Variants in EIF4G3 observed in about 807,000 individuals in gnomAD.
EIF4G3 encodes eukaryotic translation initiation factor 4 gamma 3.
In EIF4G3, 34 loss-of-function variants were observed where a neutral mutation model predicts 186.4. The observed-to-expected ratio is 0.18, with a 90% CI of 0.14 to 0.24. The LOEUF (loss-of-function observed/expected upper bound fraction) is 0.24. Among genes scored for constraint, EIF4G3 ranks in the 10% least tolerant of loss-of-function variants. EIF4G3 has a pLI of 1.00. For missense variants in EIF4G3, 1,536 were observed against 1,948.5 expected (o/e 0.79, Z 3.99); for synonymous variants, 673 against 679.5 (o/e 0.99, Z 0.15).
At position 21,101,869 on chromosome 1, in the gene EIF4G3, C is replaced by A. The variant is rs575638663; in HGVS notation, c.-271-12656G>T. Among the ~76,000 whole-genome samples, 13 of 152,146 alleles carry A rather than the reference C, an allele frequency of 8.5e-5. No individual in the cohort carries two copies. In the East Asian group the frequency reaches 2.3e-3, roughly 27 times the overall value. On this transcript the variant is annotated intron_variant, in intron 2 of 36. Coordinates refer to ENST00000602326, the MANE Select transcript of EIF4G3 (RefSeq NM_001391906.1). Reference sequence around the variant, plus strand: ...GGAACTACAATAAAGTACACCCAGACCTTCAGAGTATAACTGGTAACAAAA... The same window carrying A: ...GGAACTACAATAAAGTACACCCAGAACTTCAGAGTATAACTGGTAACAAAA...
chr1:20,986,161 A>T (rs950581791), intron 7 of EIF4G3, among the ~76,000 whole-genome samples: 4 of 152,170 alleles, frequency 2.6e-5, no homozygotes, highest in African/African-American at 9.7e-5. Flanking sequence ...TCCAACACAA[A>T]GGTATCGAGG....
At chr1:20,859,494 GA>G (rs150909556) in intron 24 of EIF4G3, among the ~76,000 whole-genome samples, 5 of 152,146 alleles carry the variant, frequency 3.3e-5, no homozygotes, top group African/African-American at 1.2e-4. Flanking sequence ...ATTTCCCTCT[GA>G]AAAAGGTTTT....
chr1:20,825,194 T>C lies in EIF4G3; in HGVS notation c.4274A>G (p.His1425Arg), dbSNP rs766936712. ...CCTCCATAAGGCTCCCACTTTCTTA[T>C]GGCTCTAAAATAGAGATAAATCCAA... is the stretch of plus-strand genomic sequence containing the variant. ...ILHLLCKQMS[H>R]KKVGALWREA... Residue 1425 changes from histidine (H) to arginine (R), a missense_variant, in exon 33 of 37, where the codon CAT becomes CGT. His to Arg is a conservative substitution (Grantham distance 29). Coordinates refer to ENST00000602326, the MANE Select transcript of EIF4G3 (RefSeq NM_001391906.1). The C allele has an allele frequency of 2.5e-6, 4 of 1,598,480 alleles. No homozygotes were observed. The South Asian group carries it at 3.3e-5, about 13-fold the overall frequency.
chr1:21,003,882 T>C (rs1043259290), intron 4 of EIF4G3: 2 of 253,962 alleles, frequency 7.9e-6, no homozygotes, highest in Middle Eastern at 1.4e-3. Flanking sequence ...TACCTCTCTA[T>C]TCAGTATTGC....
chr1:21,142,725 T>C (rs1417463257), intron 2 of EIF4G3, among the ~76,000 whole-genome samples: 1 of 152,176 alleles, frequency 6.6e-6, no homozygotes, highest in Non-Finnish European at 1.5e-5. Flanking sequence ...TTTGATCTGC[T>C]TCTATAATTT....
intron 3 of EIF4G3, among the ~76,000 whole-genome samples, chr1:21,057,106 T>A (rs1025292158): frequency 1.3e-5 from 2 of 152,224 alleles, no homozygotes; most frequent in Non-Finnish European, 2.9e-5. Context: ...AATTTGGCAG[T>A]AGCTGGTAAG....
intron 25 of EIF4G3, among the ~76,000 whole-genome samples, chr1:20,856,633 T>C (rs1057295608): frequency 6.6e-6 from 1 of 152,202 alleles, no homozygotes; most frequent in African/African-American, 2.4e-5. Context: ...AAATCCTTAT[T>C]ACAGAATGAT....
intron 4 of EIF4G3, among the ~76,000 whole-genome samples, chr1:21,024,454 G>A (rs1005333980): frequency 6.6e-6 from 1 of 151,952 alleles, no homozygotes; most frequent in African/African-American, 2.4e-5. Flanking sequence ...AGAAAGGGGG[G>A]AAAGGTGGGG....
At chr1:20,880,549 G>A (rs1364701936) in intron 19 of EIF4G3, among the ~76,000 whole-genome samples, 1 of 152,116 alleles carries the variant, frequency 6.6e-6, no homozygotes, top group African/African-American at 2.4e-5. Flanking sequence ...CCAGAGGTTC[G>A]AGACCAGCCT....
intron 30 of EIF4G3, among the ~76,000 whole-genome samples, chr1:20,839,316 T>G (rs2154549034): frequency 6.6e-6 from 1 of 152,152 alleles, no homozygotes; most frequent in South Asian, 2.1e-4. Flanking sequence ...TTTCACCACG[T>G]TGTTCAGGCT....
intron 14 of EIF4G3, among the ~76,000 whole-genome samples, chr1:20,912,324 T>C (rs181070638): frequency 4.6e-5 from 7 of 152,158 alleles, no homozygotes; most frequent in African/African-American, 1.7e-4. Context: ...TTTTCTACAT[T>C]TGTGGAGATA....
chr1:20,942,206 T>G lies in EIF4G3; in HGVS notation c.948A>C (p.Ala316=), dbSNP rs1295224259. The G allele has an allele frequency of 6.2e-7, 1 of 1,614,220 alleles. No individual in the cohort carries two copies. Among genetic ancestry groups the G allele is most frequent in the Non-Finnish European group, 8.5e-7 (1 of 1,180,022 alleles). ...TSETTAIVSI[A]ELPLPPSPTT... ...TAGGTGATGGAGGCAGAGGAAGCTC[T>G]GCTATGGATACTATTGCAGTAGTTT... Residue 316 remains alanine (A), a synonymous_variant, in exon 14 of 37, where the codon GCA becomes GCC. Coordinates refer to ENST00000602326, the MANE Select transcript of EIF4G3 (RefSeq NM_001391906.1).
intron 2 of EIF4G3, among the ~76,000 whole-genome samples, chr1:21,140,196 TC>T (rs2097313477): frequency 6.6e-6 from 1 of 152,072 alleles, no homozygotes; most frequent in Non-Finnish European, 1.5e-5. Context: ...AATAACAAAA[TC>T]ATCATGAAAC....
chr1:20,972,567 G>A (rs560604780), intron 11 of EIF4G3, among the ~76,000 whole-genome samples: 233 of 152,226 alleles, frequency 1.5e-3, no homozygotes, highest in Non-Finnish European at 2.5e-3. Flanking sequence ...CCCAGAAGCA[G>A]AGGGTGCAGT....
chr1:21,173,637 G>A (rs958137514), intron 2 of EIF4G3, among the ~76,000 whole-genome samples: 6 of 151,942 alleles, frequency 3.9e-5, no homozygotes, highest in Non-Finnish European at 7.4e-5. Flanking sequence ...GCAGTGAGCC[G>A]AGATTACACC....
intron 30 of EIF4G3, among the ~76,000 whole-genome samples, chr1:20,833,317 G>C (rs1347959905): frequency 6.6e-6 from 1 of 152,008 alleles, no homozygotes; most frequent in Admixed American, 6.6e-5. Flanking sequence ...TCCTTGAAGA[G>C]GTCCTTCAAG....
At chr1:20,812,726 C>A (rs1238455554) in intron 35 of EIF4G3, among the ~76,000 whole-genome samples, 1 of 152,230 alleles carries the variant, frequency 6.6e-6, no homozygotes, top group Non-Finnish European at 1.5e-5. Context: ...AAGAACAGGA[C>A]AAACTGTTGA....
At position 21,176,841 on chromosome 1, in the gene EIF4G3, C is replaced by A; in HGVS notation, c.-575G>T. On this transcript the variant is annotated 5_prime_UTR_variant, in exon 1 of 37. Transcript: ENST00000602326. Reference sequence around the variant, plus strand: ...ATGCCGGTGGATTTTCTTCACTCAACGAGCAGAGCATCCAACATGGCGCTG... The same window carrying A: ...ATGCCGGTGGATTTTCTTCACTCAAAGAGCAGAGCATCCAACATGGCGCTG... 1 of 701,664 alleles carries A rather than the reference C, an allele frequency of 1.4e-6. No individual in the cohort carries two copies. Among genetic ancestry groups the A allele is most frequent in the South Asian group, 1.5e-5 (1 of 67,592 alleles). The allele number at this position is 701,664 out of a possible 1,614,324, so 43.5% of individuals were successfully genotyped here. A position where few individuals can be genotyped will look rare whatever the true frequency, so the allele number is the denominator to read the frequency against.
At chr1:21,134,652 G>A (rs562476405) in intron 2 of EIF4G3, among the ~76,000 whole-genome samples, 31 of 152,210 alleles carry the variant, frequency 2.0e-4, no homozygotes, top group Middle Eastern at 3.4e-3. Context: ...CTGGACGACC[G>A]AGTGAGACTC....
Sources: gnomAD v4.1 joint callset for allele counts (sites outside exome capture counted in the v4.1 genomes callset) on GRCh38, gnomAD v4.1.1 for gene constraint, MANE v1.5 for transcripts, NCBI Gene and HGNC (gene_info 2026-07-23, HGNC 2026-07-21) for gene names.